The following DPP6 variants were observed in gnomAD, a reference collection of about 807,000 sequenced individuals.
DPP6 encodes dipeptidyl peptidase like 6, also known as A-type potassium channel modulatory protein DPP6.
DPP6 carries 69 observed loss-of-function variants against 122.6 expected under a neutral mutation model. The ratio of observed to expected loss-of-function variants is 0.56; its 90% CI spans 0.46 to 0.69. The LOEUF (loss-of-function observed/expected upper bound fraction) is 0.69. Ranked by LOEUF, DPP6 falls within the 30% of genes least tolerant of loss-of-function variation. The pLI is 0.00. For missense variants in DPP6, 928 were observed against 1,116.9 expected, an observed-to-expected ratio of 0.83 and a Z score of 2.41; for synonymous variants, 418 against 433.1, an observed-to-expected ratio of 0.97 and a Z score of 0.43.
chr7:154,400,987 G>T (rs1236132607), intron 1 of DPP6, among the ~76,000 whole-genome samples: 2 of 152,148 alleles, frequency 1.3e-5, no homozygotes, highest in Non-Finnish European at 1.5e-5. Flanking sequence ...CAGATCACGA[G>T]GTCAGGAGCT....
At chr7:154,660,171 C>T (rs529987919) in intron 6 of DPP6, among the ~76,000 whole-genome samples, 2 of 152,188 alleles carry the variant, frequency 1.3e-5, no homozygotes, top group Admixed American at 1.3e-4. Context: ...GAATCACCAT[C>T]GCATATTGGC....
chr7:154,062,924 G>A lies in DPP6; in HGVS notation c.243+9861G>A, dbSNP rs552120918. 3.7e-5 allele frequency among the ~76,000 whole-genome samples: 5 copies of A among 134,902 alleles called. No individual in the cohort carries two copies. In the South Asian group the frequency reaches 8.0e-4, roughly 22 times the overall value. 88.5% of individuals were successfully genotyped at this position (134,902 alleles called of 152,430 possible). The stretch of plus-strand genomic sequence containing the variant: ...CTTAGGACCCACCTGGAGGACTGTG[G>A]GTGTTAGTTGTCCAGGTAGAAATTT... On this transcript the variant is annotated intron_variant, in intron 1 of 25. Coordinates refer to ENST00000377770, the MANE Select transcript of DPP6 (RefSeq NM_130797.4).
chr7:154,167,986 T>C (rs1797339749), intron 1 of DPP6, among the ~76,000 whole-genome samples: 1 of 152,188 alleles, frequency 6.6e-6, no homozygotes, highest in Non-Finnish European at 1.5e-5. Flanking sequence ...TGGGACGCCA[T>C]CCAATCTCAT....
chr7:154,811,839 C>T (rs1799080825), intron 16 of DPP6, among the ~76,000 whole-genome samples: 1 of 152,182 alleles, frequency 6.6e-6, no homozygotes, highest in Non-Finnish European at 1.5e-5. Flanking sequence ...AATAACGTCT[C>T]CACTCCTAGC....
chr7:153,833,306 G>A, the DPP6 span, among the ~76,000 whole-genome samples: 94 of 152,258 alleles, frequency 6.2e-4, no homozygotes, highest in East Asian at 9.6e-4. Context: ...AATCTAAAAC[G>A]TAATCCTCTT....
rs1823779434 is a variant in DPP6 at position 154,486,172 on chromosome 7, C to T, written c.457+11135C>T. ...TTTTTGAGATGGAGTCTCACTCTAT[C>T]GCCCAGGCTGGAGTGCAGTGGCACG... is the stretch of plus-strand genomic sequence containing the variant. On this transcript the variant is annotated intron_variant, in intron 3 of 25. Coordinates refer to ENST00000377770, the MANE Select transcript of DPP6 (RefSeq NM_130797.4). The surrounding 1 kb of genome is among the most constrained non-coding windows in gnomAD (Gnocchi z 4.5). Among the ~76,000 whole-genome samples the T allele has an allele frequency of 6.6e-6, 1 of 150,964 alleles. No homozygotes were observed. Among genetic ancestry groups the T allele is most frequent in the South Asian group, 2.1e-4 (1 of 4,786 alleles).
intron 5 of DPP6, among the ~76,000 whole-genome samples, chr7:154,584,166 G>A (rs1832275116): frequency 6.6e-6 from 1 of 152,180 alleles, no homozygotes; most frequent in Non-Finnish European, 1.5e-5. Context: ...TGCCAATCAG[G>A]TAACTCATTC....
At chr7:154,839,111 C>T (rs1801313262) in intron 16 of DPP6, among the ~76,000 whole-genome samples, 1 of 152,140 alleles carries the variant, frequency 6.6e-6, no homozygotes, top group Non-Finnish European at 1.5e-5. Flanking sequence ...GATAAGAATG[C>T]AAATAATAAC....
chr7:154,438,407 T>G (rs909787312), intron 1 of DPP6, among the ~76,000 whole-genome samples: 10 of 131,916 alleles, frequency 7.6e-5, no homozygotes, highest in African/African-American at 2.9e-4. Flanking sequence ...GAGGCGGAGC[T>G]TGCAGTGAGT....
intron 5 of DPP6, among the ~76,000 whole-genome samples, chr7:154,600,162 C>G (rs1407242640): frequency 2.0e-5 from 3 of 151,830 alleles, no homozygotes; most frequent in Non-Finnish European, 4.4e-5. Flanking sequence ...GAGTCTCACT[C>G]TGTTGACCAG....
intron 1 of DPP6, among the ~76,000 whole-genome samples, chr7:154,077,163 T>A (rs1053523127): frequency 1.2e-4 from 18 of 152,224 alleles, no homozygotes; most frequent in African/African-American, 4.1e-4. Context: ...TAAGGTGATT[T>A]AAAATGCCTT....
intron 1 of DPP6, among the ~76,000 whole-genome samples, chr7:153,948,746 A>G (rs1802065991): frequency 6.7e-6 from 1 of 149,840 alleles, no homozygotes; most frequent in South Asian, 2.2e-4. Flanking sequence ...CCTTCCCTTC[A>G]AAACACCCTC....
chr7:154,442,686 G>T (rs1214667561), intron 1 of DPP6, among the ~76,000 whole-genome samples: 2 of 152,116 alleles, frequency 1.3e-5, no homozygotes, highest in African/African-American at 2.4e-5. Flanking sequence ...GAAAACAGAA[G>T]GCTAGAGCCC....
intron 8 of DPP6, among the ~76,000 whole-genome samples, chr7:154,730,039 C>T (rs1194441563): frequency 2.0e-5 from 3 of 152,196 alleles, no homozygotes; most frequent in African/African-American, 7.2e-5. Flanking sequence ...GGGTGCAATC[C>T]CTGAGCCTCT....
chr7:154,519,271 G>C (rs1369547295), intron 3 of DPP6, among the ~76,000 whole-genome samples: 1 of 152,234 alleles, frequency 6.6e-6, no homozygotes, highest in Non-Finnish European at 1.5e-5. Context: ...ATGTTATGCT[G>C]GAGGAGGCTG....
At chr7:154,850,631 T>G (rs1443451622) in intron 16 of DPP6, among the ~76,000 whole-genome samples, 1 of 152,242 alleles carries the variant, frequency 6.6e-6, no homozygotes. Flanking sequence ...TTCAATCTTC[T>G]TACTCATTAT....
At chr7:154,653,543 G>T (rs1837021303) in intron 6 of DPP6, among the ~76,000 whole-genome samples, 1 of 151,634 alleles carries the variant, frequency 6.6e-6, no homozygotes, top group Admixed American at 6.6e-5. Context: ...ATGATAGATA[G>T]ATATAGATAG....
At chr7:153,764,155 A>G in the DPP6 span, among the ~76,000 whole-genome samples, 1 of 152,210 alleles carries the variant, frequency 6.6e-6, no homozygotes, top group Non-Finnish European at 1.5e-5. Flanking sequence ...TGCCCGGCCT[A>G]GTCTAATATA....
At chr7:154,613,350 T>G (rs12538393) in intron 5 of DPP6, among the ~76,000 whole-genome samples, 61,299 of 151,916 alleles carry the variant, frequency 0.4, 13,369 homozygotes, top group East Asian at 0.64. Context: ...GGCTGGGTGC[T>G]GTGGCTCACG....
Sources: gnomAD v4.1 joint callset for allele counts (sites outside exome capture counted in the v4.1 genomes callset) on GRCh38, gnomAD v4.1.1 for gene constraint, Gnocchi (gnomAD v3.1) non-coding constraint, MANE v1.5 for transcripts, NCBI Gene and HGNC (gene_info 2026-07-23, HGNC 2026-07-21) for gene names.